ZNF267: variants seen among roughly 807,000 people sequenced by gnomAD.
The protein encoded by ZNF267 is zinc finger protein 267, also known as zinc finger (C2H2).
ZNF267 carries 61 observed loss-of-function variants against 71.6 expected under a neutral mutation model. The ratio of observed to expected loss-of-function variants is 0.85; its 90% CI spans 0.69 to 1.05. The LOEUF (loss-of-function observed/expected upper bound fraction) is 1.05. Ranked by LOEUF, ZNF267 falls within the 50% of genes least tolerant of loss-of-function variation. The probability of loss-of-function intolerance (pLI) is 0.00; values close to 1 mark genes in which losing one functional copy is unlikely to be tolerated. For synonymous variants in ZNF267, 288 were observed against 293.2 expected (o/e 0.98, Z 0.18); for missense variants, 852 against 870.0 (o/e 0.98, Z 0.26).
intron 3 of ZNF267, among the ~76,000 whole-genome samples, chr16:31,907,610 A>G (rs1339547793): frequency 6.6e-6 from 1 of 152,176 alleles, no homozygotes; most frequent in African/African-American, 2.4e-5. Flanking sequence ...CATTTTTAAT[A>G]TAAATATTTT....
intron 1 of ZNF267, among the ~76,000 whole-genome samples, chr16:31,882,726 C>T (rs1205895774): frequency 6.6e-6 from 1 of 152,188 alleles, no homozygotes; most frequent in Non-Finnish European, 1.5e-5. Flanking sequence ...TTCCCCTCCG[C>T]CCATATCACA....
chr16:31,901,899 G>T (rs183277273), intron 3 of ZNF267, among the ~76,000 whole-genome samples: 27 of 152,236 alleles, frequency 1.8e-4, no homozygotes, highest in Admixed American at 1.5e-3. Context: ...TATTACCTAG[G>T]TTTTCTTCTA....
chr16:31,874,913 C>T (rs994706901), intron 1 of ZNF267, among the ~76,000 whole-genome samples: 1 of 152,180 alleles, frequency 6.6e-6, no homozygotes, highest in African/African-American at 2.4e-5. Context: ...ATTTATTGTA[C>T]ATTTCAGACA....
intron 1 of ZNF267, 66 bp from the exon 2 acceptor site, chr16:31,884,432 A>T: frequency 6.2e-7 from 1 of 1,604,946 alleles, no homozygotes; most frequent in Admixed American, 1.7e-5. Flanking sequence ...CTGTCATTTC[A>T]TCTTGGGACA....
intron 1 of ZNF267, among the ~76,000 whole-genome samples, chr16:31,883,351 T>A (rs1389634604): frequency 6.6e-6 from 1 of 152,192 alleles, no homozygotes; most frequent in Non-Finnish European, 1.5e-5. Flanking sequence ...AAAATATTTT[T>A]AAATTTTATT....
At chr16:31,910,453 G>C (rs1432986931) in intron 3 of ZNF267, among the ~76,000 whole-genome samples, 1 of 151,490 alleles carries the variant, frequency 6.6e-6, no homozygotes, top group East Asian at 1.9e-4. Context: ...TCATGTTTTG[G>C]ATTTCTTCGT....
chr16:31,893,307 C>T (rs1373436812), intron 3 of ZNF267, among the ~76,000 whole-genome samples: 3 of 152,208 alleles, frequency 2.0e-5, no homozygotes, highest in African/African-American at 4.8e-5. Context: ...GGACCCTGGG[C>T]CTGACCCAGG....
At chr16:31,900,793 A>AT (rs982437645) in intron 3 of ZNF267, among the ~76,000 whole-genome samples, 1 of 107,944 alleles carries the variant, frequency 9.3e-6, no homozygotes, top group African/African-American at 3.4e-5. Context: ...ACTTATTTTT[A>AT]TTTTTTTATT....
intron 3 of ZNF267, among the ~76,000 whole-genome samples, chr16:31,898,208 T>C (rs1466825216): frequency 6.6e-6 from 1 of 152,182 alleles, no homozygotes; most frequent in East Asian, 1.9e-4. Flanking sequence ...GACACTATTA[T>C]TATTATTATA....
chr16:31,902,991 C>T (rs143873966), intron 3 of ZNF267, among the ~76,000 whole-genome samples: 2,114 of 152,280 alleles, frequency 0.014, 59 homozygotes, highest in African/African-American at 0.048. Flanking sequence ...GAGTTTTTAG[C>T]ATGAAGCGTT....
At chr16:31,909,370 T>G (rs1384985811) in intron 3 of ZNF267, among the ~76,000 whole-genome samples, 2 of 152,060 alleles carry the variant, frequency 1.3e-5, no homozygotes, top group Admixed American at 1.3e-4. Context: ...TGACCTCAAG[T>G]GATCTGCCCA....
intron 3 of ZNF267, among the ~76,000 whole-genome samples, chr16:31,891,711 G>T (rs2083961629): frequency 1.3e-5 from 2 of 152,226 alleles, no homozygotes; most frequent in African/African-American, 4.8e-5. Context: ...CTTCCACCAT[G>T]ATTGTGAGGC....
intron 3 of ZNF267, among the ~76,000 whole-genome samples, chr16:31,892,046 G>A (rs1427579427): frequency 1.3e-5 from 2 of 152,104 alleles, no homozygotes; most frequent in African/African-American, 2.4e-5. Context: ...GGCTGAGGTG[G>A]TCTTGGATGG....
intron 3 of ZNF267, chr16:31,894,896 G>A (rs1009538491): frequency 2.8e-5 from 11 of 386,746 alleles, no homozygotes; most frequent in Middle Eastern, 4.2e-4. Context: ...GACCAACCTC[G>A]TGTGATTTCC....
chr16:31,901,166 T>C (rs1240407690), intron 3 of ZNF267, among the ~76,000 whole-genome samples: 1 of 152,170 alleles, frequency 6.6e-6, no homozygotes, highest in Non-Finnish European at 1.5e-5. Context: ...TTCCATGGTG[T>C]ATATGTGCCA....
At chr16:31,893,090 G>A (rs144960767) in intron 3 of ZNF267, among the ~76,000 whole-genome samples, 2 of 152,242 alleles carry the variant, frequency 1.3e-5, no homozygotes, top group African/African-American at 4.8e-5. Flanking sequence ...AGGCATTTCT[G>A]TGTATCCTCT....
intron 1 of ZNF267, among the ~76,000 whole-genome samples, chr16:31,875,595 T>C (rs1303908229): frequency 1.3e-5 from 2 of 152,128 alleles, no homozygotes; most frequent in Non-Finnish European, 2.9e-5. Flanking sequence ...TGGTGCAAAC[T>C]CGGCTGCGGT....
At chr16:31,909,171 G>C (rs1486459311) in intron 3 of ZNF267, among the ~76,000 whole-genome samples, 2 of 138,772 alleles carry the variant, frequency 1.4e-5, no homozygotes, top group African/African-American at 5.6e-5. Flanking sequence ...TTGTCGCCCA[G>C]GCTGGAGTGC....
intron 3 of ZNF267, among the ~76,000 whole-genome samples, chr16:31,890,023 T>C (rs894070176): frequency 1.3e-5 from 2 of 152,220 alleles, no homozygotes; most frequent in Admixed American, 1.3e-4. Context: ...TTAAAAAGAC[T>C]TGTTTTCTAT....
Sources: gnomAD v4.1 joint callset for allele counts (sites outside exome capture counted in the v4.1 genomes callset) on GRCh38, gnomAD v4.1.1 for gene constraint, MANE v1.5 for transcripts, NCBI Gene and HGNC (gene_info 2026-07-23, HGNC 2026-07-21) for gene names.